Variants in CTNNA3 observed in about 807,000 individuals in gnomAD.
CTNNA3 encodes the protein catenin alpha 3.
In CTNNA3, 76 loss-of-function variants were observed where a neutral mutation model predicts 95.7. The observed-to-expected ratio is 0.79, with a 90% CI of 0.66 to 0.96. CTNNA3 has a LOEUF of 0.96. Among genes scored for constraint, CTNNA3 ranks in the 40% least tolerant of loss-of-function variants. The pLI is 0.00. For synonymous variants in CTNNA3, 431 were observed against 374.4 expected, an observed-to-expected ratio of 1.15 and a Z score of -1.74; for missense variants, 1,191 against 1,089.8, an observed-to-expected ratio of 1.09 and a Z score of -1.31.
chr10:67,184,907 A>T (rs1003382391), intron 6 of CTNNA3, among the ~76,000 whole-genome samples: 2 of 152,160 alleles, frequency 1.3e-5, no homozygotes, highest in African/African-American at 4.8e-5. Flanking sequence ...CCATTCTGAC[A>T]TGTTACAACA....
chr10:67,181,559 C>T (rs1420495157), intron 6 of CTNNA3, among the ~76,000 whole-genome samples: 1 of 152,062 alleles, frequency 6.6e-6, no homozygotes, highest in Non-Finnish European at 1.5e-5. Flanking sequence ...CACACAAACA[C>T]ACTGTGAAGA....
intron 13 of CTNNA3, among the ~76,000 whole-genome samples, chr10:66,168,399 C>A (rs1589618389): frequency 6.6e-6 from 1 of 152,174 alleles, no homozygotes; most frequent in Admixed American, 6.5e-5. Flanking sequence ...CTTTGCCTAA[C>A]TTTTCAACCT....
At chr10:66,871,820 G>A (rs374069783) in intron 7 of CTNNA3, among the ~76,000 whole-genome samples, 1 of 152,074 alleles carries the variant, frequency 6.6e-6, no homozygotes, top group African/African-American at 2.4e-5. Flanking sequence ...AGTTTAAAAG[G>A]ATAATTTTCT....
chr10:66,331,185 T>C (rs2092323094), intron 12 of CTNNA3, among the ~76,000 whole-genome samples: 1 of 151,722 alleles, frequency 6.6e-6, no homozygotes, highest in Admixed American at 6.6e-5. Context: ...TCTTCTAGGG[T>C]TTTTATGGTT....
At chr10:67,336,415 A>G (rs1841998049) in intron 5 of CTNNA3, among the ~76,000 whole-genome samples, 1 of 152,204 alleles carries the variant, frequency 6.6e-6, no homozygotes, top group Non-Finnish European at 1.5e-5. Context: ...GGAAGCTCGC[A>G]GAGGTTGGTT....
intron 12 of CTNNA3, among the ~76,000 whole-genome samples, chr10:66,295,266 T>C (rs183544389): frequency 2.8e-4 from 42 of 152,340 alleles, no homozygotes; most frequent in African/African-American, 9.4e-4. Flanking sequence ...ACTGCATTTA[T>C]CTAATGCACT....
intron 10 of CTNNA3, among the ~76,000 whole-genome samples, chr10:66,560,976 C>T (rs1398340518): frequency 6.6e-6 from 1 of 151,990 alleles, no homozygotes; most frequent in Non-Finnish European, 1.5e-5. Context: ...CTTAAACTTC[C>T]CAGCCTGTAG....
chr10:66,796,920 T>G (rs567073982), intron 7 of CTNNA3, among the ~76,000 whole-genome samples: 1 of 152,152 alleles, frequency 6.6e-6, no homozygotes, highest in South Asian at 2.1e-4. Context: ...ACACACATGT[T>G]CTGAGCTGTG....
chr10:66,896,559 A>C (rs1029977911), intron 7 of CTNNA3, among the ~76,000 whole-genome samples: 2 of 152,230 alleles, frequency 1.3e-5, no homozygotes, highest in African/African-American at 4.8e-5. Context: ...TTTCTTAAAT[A>C]ATGCTGGTAA....
intron 5 of CTNNA3, among the ~76,000 whole-genome samples, chr10:67,482,012 TC>T (rs775525215): frequency 2.6e-5 from 4 of 152,182 alleles, no homozygotes; most frequent in Admixed American, 6.5e-5. Flanking sequence ...GGGAATCCTT[TC>T]CCCATTGCTT....
intron 3 of CTNNA3, among the ~76,000 whole-genome samples, chr10:67,594,840 A>G (rs1842890842): frequency 1.3e-5 from 2 of 152,082 alleles, no homozygotes; most frequent in African/African-American, 4.8e-5. Flanking sequence ...CTCGAGCAGT[A>G]TACACTGTAC....
At position 67,509,941 on chromosome 10, in the gene CTNNA3, A is replaced by C. The variant is rs138308739; in HGVS notation, c.579+11901T>G. ...TTTGATTTGCATTTCTGTGATGACC[A>C]GTGATGATGAGCATTTTTTCATGTG... On this transcript the variant is annotated intron_variant, in intron 5 of 17. Coordinates refer to ENST00000433211, the MANE Select transcript of CTNNA3 (RefSeq NM_013266.4). 7.1e-3 allele frequency among the ~76,000 whole-genome samples: 1,080 copies of C among 152,318 alleles called. 11 individuals are homozygous for C. Among genetic ancestry groups the C allele is most frequent in the African/African-American group, 0.025 (1,033 of 41,572 alleles).
intron 7 of CTNNA3, among the ~76,000 whole-genome samples, chr10:67,128,461 T>C (rs895702082): frequency 6.6e-6 from 1 of 152,004 alleles, no homozygotes; most frequent in African/African-American, 2.4e-5. Flanking sequence ...AGAATAACCA[T>C]GAAATATTCT....
At chr10:66,750,784 A>T (rs1411476381) in intron 9 of CTNNA3, among the ~76,000 whole-genome samples, 1 of 152,226 alleles carries the variant, frequency 6.6e-6, no homozygotes, top group Non-Finnish European at 1.5e-5. Flanking sequence ...ATTGCATTGA[A>T]TCTATAAAGT....
intron 6 of CTNNA3, among the ~76,000 whole-genome samples, chr10:67,205,199 C>A (rs1382474871): frequency 6.6e-6 from 1 of 152,112 alleles, no homozygotes; most frequent in Non-Finnish European, 1.5e-5. Context: ...TAATTAAGGG[C>A]AGTTTGGAGG....
At chr10:66,153,605 T>C (rs2084321361) in intron 13 of CTNNA3, among the ~76,000 whole-genome samples, 1 of 151,906 alleles carries the variant, frequency 6.6e-6, no homozygotes. Flanking sequence ...GGCTCTTATC[T>C]TCTGGATTTC....
At chr10:67,688,369 C>T (rs1041763087) in intron 1 of CTNNA3, among the ~76,000 whole-genome samples, 1 of 152,008 alleles carries the variant, frequency 6.6e-6, no homozygotes, top group Non-Finnish European at 1.5e-5. Context: ...GGAAGGGGAG[C>T]TATAGGGAGG....
chr10:66,858,706 T>G (rs1022585739), intron 7 of CTNNA3, among the ~76,000 whole-genome samples: 1 of 152,000 alleles, frequency 6.6e-6, no homozygotes, highest in Non-Finnish European at 1.5e-5. Flanking sequence ...ATTTGCAGTT[T>G]TTGTACTTCT....
intron 9 of CTNNA3, among the ~76,000 whole-genome samples, chr10:66,649,875 C>G (rs1233872799): frequency 6.6e-6 from 1 of 152,180 alleles, no homozygotes; most frequent in African/African-American, 2.4e-5. Context: ...GGGACCCAGC[C>G]TCCAGGTTAA....
Sources: gnomAD v4.1 joint callset for allele counts (sites outside exome capture counted in the v4.1 genomes callset) on GRCh38, gnomAD v4.1.1 for gene constraint, MANE v1.5 for transcripts, NCBI Gene and HGNC (gene_info 2026-07-23, HGNC 2026-07-21) for gene names.